Variants in LRMDA observed in about 807,000 individuals in gnomAD.
LRMDA encodes leucine rich melanocyte differentiation associated.
A neutral mutation model predicts 29.8 loss-of-function variants in LRMDA; 18 were observed. The observed-to-expected ratio is 0.60, with a 90% CI of 0.42 to 0.90. The LOEUF (loss-of-function observed/expected upper bound fraction) is 0.90, where lower values mean the gene tolerates loss of function less well. Among genes scored for constraint, LRMDA ranks in the 40% least tolerant of loss-of-function variants. The probability of loss-of-function intolerance (pLI) is 0.00; values close to 1 mark genes in which losing one functional copy is unlikely to be tolerated. For missense variants in LRMDA, 273 were observed against 273.9 expected (o/e 1.00, Z 0.02); for synonymous variants, 125 against 109.4 (o/e 1.14, Z -0.89).
intron 2 of LRMDA, among the ~76,000 whole-genome samples, chr10:75,767,947 G>A (rs1358444963): frequency 6.6e-6 from 1 of 152,186 alleles, no homozygotes; most frequent in Non-Finnish European, 1.5e-5. Context: ...ATGTGAAGGG[G>A]CTGGCCTTGG....
chr10:75,651,487 A>G (rs2132127016), intron 2 of LRMDA, among the ~76,000 whole-genome samples: 1 of 152,340 alleles, frequency 6.6e-6, no homozygotes, highest in African/African-American at 2.4e-5. Context: ...GTCTCTCACA[A>G]CAAGCTCATT....
intron 5 of LRMDA, among the ~76,000 whole-genome samples, chr10:76,070,494 C>T (rs1377428979): frequency 2.0e-5 from 3 of 152,176 alleles, no homozygotes; most frequent in East Asian, 1.9e-4. Context: ...GGAGATCTCT[C>T]CGTCTTCTGA....
chr10:75,697,834 A>AGTGTGTGTGTGTGTGTGTGTGT (rs377639647), intron 2 of LRMDA, among the ~76,000 whole-genome samples: 1,860 of 132,096 alleles, frequency 0.014, 54 homozygotes, highest in African/African-American at 0.056. Context: ...TGCATGTAAG[A>AGTGTGTGTGTGTGTGTGTGTGT]GTGTGTGTGT....
intron 2 of LRMDA, among the ~76,000 whole-genome samples, chr10:75,475,180 A>G (rs1844774961): frequency 6.6e-6 from 1 of 152,150 alleles, no homozygotes; most frequent in Non-Finnish European, 1.5e-5. Context: ...CACATGTGGA[A>G]TTCTGAAGAC....
At chr10:75,687,193 AGAAATGATT>A (rs1589157853) in intron 2 of LRMDA, among the ~76,000 whole-genome samples, 1 of 152,254 alleles carries the variant, frequency 6.6e-6, no homozygotes, top group African/African-American at 2.4e-5. Context: ...AATCAAAAAT[AGAAATGATT>A]AAGCTTGCTG....
At chr10:76,378,861 T>TTTTTTTCTTTC (rs1554817038) in intron 6 of LRMDA, among the ~76,000 whole-genome samples, 3 of 143,334 alleles carry the variant, frequency 2.1e-5, no homozygotes, top group African/African-American at 7.8e-5. Flanking sequence ...TTTTTTTCTT[T>TTTTTTTCTTTC]TTTTTTTTTT....
chr10:75,712,918 A>AT (rs2132179392), intron 2 of LRMDA, among the ~76,000 whole-genome samples: 1 of 152,006 alleles, frequency 6.6e-6, no homozygotes, highest in East Asian at 1.9e-4. Context: ...CCTTGCCATT[A>AT]TTTTAATGTT....
intron 6 of LRMDA, among the ~76,000 whole-genome samples, chr10:76,404,743 T>C (rs1450141606): frequency 6.6e-6 from 1 of 152,200 alleles, no homozygotes; most frequent in Non-Finnish European, 1.5e-5. Context: ...AACTTCCCAC[T>C]TTTGACACTC....
chr10:75,962,217 G>C (rs1272442387), intron 2 of LRMDA, among the ~76,000 whole-genome samples: 1 of 152,200 alleles, frequency 6.6e-6, no homozygotes, highest in Non-Finnish European at 1.5e-5. Flanking sequence ...AGGCACTAGG[G>C]AGTGAGCTAC....
chr10:75,544,344 A>G (rs1045447113), intron 2 of LRMDA, among the ~76,000 whole-genome samples: 4 of 152,254 alleles, frequency 2.6e-5, no homozygotes, highest in Admixed American at 6.5e-5. Context: ...AAATGATGGT[A>G]GGTTTCTAAA....
At chr10:76,100,222 T>C (rs943023591) in intron 5 of LRMDA, among the ~76,000 whole-genome samples, 1 of 152,208 alleles carries the variant, frequency 6.6e-6, no homozygotes, top group Admixed American at 6.5e-5. Context: ...TGCTCCTTAG[T>C]TCAGCTAAAA....
At chr10:75,630,820 T>C (rs751612408) in intron 2 of LRMDA, among the ~76,000 whole-genome samples, 9 of 152,226 alleles carry the variant, frequency 5.9e-5, no homozygotes, top group Non-Finnish European at 1.3e-4. Context: ...AATAAAGACT[T>C]GGGCAGCCTT....
intron 2 of LRMDA, among the ~76,000 whole-genome samples, chr10:76,002,575 G>GC (rs1191281498): frequency 6.6e-6 from 1 of 152,174 alleles, no homozygotes; most frequent in Non-Finnish European, 1.5e-5. Flanking sequence ...AAAGGGTCCA[G>GC]CACCCAGTAG....
At chr10:76,082,231 C>T (rs1318315862) in intron 5 of LRMDA, among the ~76,000 whole-genome samples, 1 of 152,098 alleles carries the variant, frequency 6.6e-6, no homozygotes, top group Non-Finnish European at 1.5e-5. Context: ...GCCCTCAAGC[C>T]AATTCCCCTT....
At chr10:76,522,837 G>A (rs1843135012) in intron 6 of LRMDA, among the ~76,000 whole-genome samples, 1 of 152,114 alleles carries the variant, frequency 6.6e-6, no homozygotes, top group Non-Finnish European at 1.5e-5. Flanking sequence ...TGCCTTTGTG[G>A]AGGGCTCCCT....
At chr10:76,106,096 G>A (rs890408691) in intron 5 of LRMDA, among the ~76,000 whole-genome samples, 2 of 152,164 alleles carry the variant, frequency 1.3e-5, no homozygotes, top group Non-Finnish European at 2.9e-5. Flanking sequence ...TGTTATAGCA[G>A]CCCCAGGAAA....
At chr10:75,481,326 C>A (rs534297003) in intron 2 of LRMDA, among the ~76,000 whole-genome samples, 2 of 152,062 alleles carry the variant, frequency 1.3e-5, no homozygotes, top group East Asian at 1.9e-4. Flanking sequence ...TTGTGCTTTG[C>A]CAGAGGCTGG....
chr10:76,212,228 A>T (rs1267530298), intron 5 of LRMDA, among the ~76,000 whole-genome samples: 1 of 146,114 alleles, frequency 6.8e-6, no homozygotes, highest in African/African-American at 2.5e-5. Context: ...GTATGGTGTG[A>T]AAATTAAAAC....
chr10:76,515,720 G>C (rs1173037369), intron 6 of LRMDA, among the ~76,000 whole-genome samples: 2 of 152,092 alleles, frequency 1.3e-5, no homozygotes, highest in African/African-American at 4.8e-5. Flanking sequence ...GCCCAGGCTG[G>C]TCTTGAACTC....
Sources: allele counts gnomAD v4.1 joint callset (sites outside exome capture counted in the v4.1 genomes callset), GRCh38; gene constraint gnomAD v4.1.1; transcripts MANE v1.5; gene names NCBI Gene and HGNC (gene_info 2026-07-23, HGNC 2026-07-21).